Variants in BICD1 observed in about 807,000 individuals in gnomAD.
BICD1 encodes the protein protein bicaudal D homolog 1.
Under a neutral mutation model 92.5 loss-of-function variants are expected in BICD1, and 35 were observed. The ratio of observed to expected loss-of-function variants is 0.38; its 90% CI spans 0.29 to 0.50. The LOEUF is 0.50. Ranked by LOEUF, BICD1 falls within the 20% of genes least tolerant of loss-of-function variation. BICD1 has a pLI of 0.93. For synonymous variants in BICD1, 429 were observed against 465.1 expected (o/e 0.92, Z 1.00); for missense variants, 950 against 1,189.8 (o/e 0.80, Z 2.97).
intron 2 of BICD1, among the ~76,000 whole-genome samples, chr12:32,257,707 T>A (rs1371103857): frequency 6.6e-6 from 1 of 152,168 alleles, no homozygotes; most frequent in Non-Finnish European, 1.5e-5. Flanking sequence ...CAGCACTGTT[T>A]GTAACAGAGA....
At chr12:32,147,790 T>G (rs1943159275) in intron 1 of BICD1, among the ~76,000 whole-genome samples, 1 of 152,100 alleles carries the variant, frequency 6.6e-6, no homozygotes, top group African/African-American at 2.4e-5. Flanking sequence ...GACAGAATGG[T>G]TCCAGGGCAG....
intron 3 of BICD1, among the ~76,000 whole-genome samples, chr12:32,303,891 G>A (rs553416405): frequency 3.9e-5 from 6 of 152,188 alleles, no homozygotes; most frequent in African/African-American, 1.2e-4. Flanking sequence ...TAGCTAACAT[G>A]GTGAAACCCT....
chr12:32,235,622 T>A (rs1946043597), intron 2 of BICD1, among the ~76,000 whole-genome samples: 1 of 152,108 alleles, frequency 6.6e-6, no homozygotes, highest in African/African-American at 2.4e-5. Context: ...CTGGGACCAT[T>A]TTCTTTTCAA....
rs191137869 is a variant in BICD1 at position 32,327,918 on chromosome 12, A to G, written c.1463A>G (p.Gln488Arg). The change falls in exon 5 of 10, where the codon CAA (glutamine) becomes CGA (arginine). Residue 488 changes from glutamine (Q) to arginine (R), a missense_variant. By Grantham distance (43) the Gln-to-Arg change is conservative (BLOSUM62 1). This residue lies in a region of BICD1 where 309 missense variants were observed against 499.4 expected (regional missense o/e 0.62). Transcript: ENST00000652176. ...EKMAHMEKEL[Q>R]KMTSIANENH... The stretch of plus-strand genomic sequence containing the variant: ...ATGGCCCACATGGAGAAGGAGTTGC[A>G]AAAGATGACCAGCATAGCCAACGAA... The G allele has an allele frequency of 1.6e-5, 26 of 1,614,190 alleles. No homozygotes were observed. The African/African-American group carries it at 3.1e-4, about 19-fold the overall frequency.
At chr12:32,285,842 G>GA (rs34902468) in intron 2 of BICD1, among the ~76,000 whole-genome samples, 6 of 151,138 alleles carry the variant, frequency 4.0e-5, no homozygotes, top group Admixed American at 1.3e-4. Context: ...ATCCCAGGAA[G>GA]AAAAAAAAAT....
At chr12:32,296,046 C>G (rs1462875735) in intron 3 of BICD1, among the ~76,000 whole-genome samples, 1 of 152,030 alleles carries the variant, frequency 6.6e-6, no homozygotes, top group East Asian at 1.9e-4. Flanking sequence ...CAAAAAAGGG[C>G]TACTGGAGTA....
intron 1 of BICD1, among the ~76,000 whole-genome samples, chr12:32,200,458 C>CTTATTTTATGAATGTTTTTATGATGT (rs1443105453): frequency 1.3e-5 from 2 of 152,194 alleles, no homozygotes; most frequent in Non-Finnish European, 2.9e-5. Flanking sequence ...CAGAGCAAAG[C>CTTATTTTATGAATGTTTTTATGATGT]TTTCATATTA....
intron 2 of BICD1, among the ~76,000 whole-genome samples, chr12:32,254,123 C>A (rs1946652787): frequency 6.6e-6 from 1 of 150,756 alleles, no homozygotes; most frequent in African/African-American, 2.4e-5. Flanking sequence ...TCCCACCTGC[C>A]ATATTCACTG....
chr12:32,222,001 T>C (rs1382290311), intron 2 of BICD1, among the ~76,000 whole-genome samples: 3 of 152,192 alleles, frequency 2.0e-5, no homozygotes, highest in African/African-American at 7.2e-5. Flanking sequence ...AATATTTACT[T>C]TTATACTTAT....
At chr12:32,253,992 G>GTCATAATCACTGCCGTATC in intron 2 of BICD1, among the ~76,000 whole-genome samples, 1 of 148,114 alleles carries the variant, frequency 6.8e-6, no homozygotes, top group Middle Eastern at 3.7e-3. Flanking sequence ...TATCCCACCT[G>GTCATAATCACTGCCGTATC]CCACATTCAT....
intron 2 of BICD1, 145 bp from the exon 3 acceptor site, chr12:32,293,849 C>T: frequency 1.4e-6 from 1 of 715,872 alleles, no homozygotes; most frequent in South Asian, 2.1e-5. Context: ...TTGACAGATA[C>T]CACTAAATTG....
chr12:32,182,278 C>CTTTCTT (rs1198874082), intron 1 of BICD1, among the ~76,000 whole-genome samples: 1 of 81,432 alleles, frequency 1.2e-5, no homozygotes, highest in African/African-American at 4.3e-5. Context: ...TTCTTTCTTT[C>CTTTCTT]TTTTTTTTTT....
intron 2 of BICD1, among the ~76,000 whole-genome samples, chr12:32,233,322 T>TA (rs1555152907): frequency 0.18 from 23,277 of 127,102 alleles, 2,619 homozygotes; most frequent in East Asian, 0.36. Context: ...AGTCTGTCTT[T>TA]AAAAAAAAAA....
At chr12:32,343,801 T>A in intron 8 of BICD1, among the ~76,000 whole-genome samples, 1 of 152,348 alleles carries the variant, frequency 6.6e-6, no homozygotes, top group Middle Eastern at 3.4e-3. Context: ...CAGAAGTGTA[T>A]TAGCCTTAGA....
chr12:32,117,752 ATATATATTTTTT>A (rs1194827890), intron 1 of BICD1, among the ~76,000 whole-genome samples: 2 of 104,240 alleles, frequency 1.9e-5, no homozygotes, highest in Non-Finnish European at 4.4e-5. Flanking sequence ...ATATATATAT[ATATATATTTTTT>A]TTTAAGACCA....
chr12:32,245,874 A>G (rs533287221), intron 2 of BICD1, among the ~76,000 whole-genome samples: 1 of 151,814 alleles, frequency 6.6e-6, no homozygotes, highest in South Asian at 2.1e-4. Context: ...TACTAAAAAT[A>G]CAAAAATTAG....
chr12:32,309,406 G>T (rs139333627), intron 4 of BICD1, among the ~76,000 whole-genome samples: 39 of 152,174 alleles, frequency 2.6e-4, no homozygotes, highest in African/African-American at 8.2e-4. Context: ...ATTGTAGAAA[G>T]GTAATATGCA....
rs374042632 is a variant in BICD1, at chr12:32,196,399, T to A, written c.214-19848T>A. 2.6e-5 allele frequency among the ~76,000 whole-genome samples: 4 copies of A among 152,250 alleles called. No individual in the cohort carries two copies. The South Asian group carries it at 8.3e-4, about 32-fold the overall frequency. ...AACAACCTAAGTATCTGTCAGCCAATGAATGAATAAAGAAAATGTGGTGTG... is the reference window on the plus strand; with the variant it reads ...AACAACCTAAGTATCTGTCAGCCAAAGAATGAATAAAGAAAATGTGGTGTG... On this transcript the variant is annotated intron_variant, in intron 1 of 9. Coordinates refer to ENST00000652176, the MANE Select transcript of BICD1 (RefSeq NM_001714.4).
At chr12:32,346,536 GTATATATATATATATATA>G (rs59893108) in intron 8 of BICD1, among the ~76,000 whole-genome samples, 5,149 of 24,136 alleles carry the variant, frequency 0.21, 1,156 homozygotes, top group Middle Eastern at 0.53. Flanking sequence ...ATATATACGT[GTATATATATATATATATA>G]TATATATATA....
Sources: allele counts gnomAD v4.1 joint callset (sites outside exome capture counted in the v4.1 genomes callset), GRCh38; gene constraint gnomAD v4.1.1; regional missense constraint gnomAD v4.1.1; transcripts MANE v1.5; gene names NCBI Gene and HGNC (gene_info 2026-07-23, HGNC 2026-07-21).